The following RASEF variants were observed in gnomAD, a reference collection of about 807,000 sequenced individuals.
The protein encoded by RASEF is RAS and EF-hand domain containing, also known as ras and EF-hand domain-containing protein.
In RASEF, 68 loss-of-function variants were observed where a neutral mutation model predicts 90.1. The observed-to-expected ratio is 0.75, with a 90% confidence interval of 0.62 to 0.92. The LOEUF is 0.92. RASEF is among the 40% of genes least tolerant of loss of function. The pLI, the probability that RASEF is intolerant of heterozygous loss-of-function variation, is 0.00. For synonymous variants in RASEF, 331 were observed against 345.2 expected (o/e 0.96, Z 0.46); for missense variants, 949 against 937.2 (o/e 1.01, Z -0.16).
At chr9:83,113,889 A>C in the RASEF span, among the ~76,000 whole-genome samples, 1 of 152,140 alleles carries the variant, frequency 6.6e-6, no homozygotes, top group East Asian at 1.9e-4. Context: ...TGCCCTTTGA[A>C]GCATGTGATC....
At chr9:83,156,379 T>G in the RASEF span, among the ~76,000 whole-genome samples, 1 of 152,188 alleles carries the variant, frequency 6.6e-6, no homozygotes, top group African/African-American at 2.4e-5. Context: ...AAAGGGACAC[T>G]CTGTAATTGG....
the RASEF span, among the ~76,000 whole-genome samples, chr9:83,133,929 T>A: frequency 1.3e-5 from 2 of 152,132 alleles, no homozygotes; most frequent in African/African-American, 4.8e-5. Context: ...ATGCTTATTT[T>A]AGTTCCCCCA....
the RASEF span, among the ~76,000 whole-genome samples, chr9:83,185,970 CGG>C: frequency 1.3e-5 from 2 of 151,832 alleles, no homozygotes; most frequent in Middle Eastern, 3.4e-3. Flanking sequence ...GAATGGGTGG[CGG>C]GGGGGGCAAG....
rs1268197688 is a variant in RASEF at position 83,018,011 on chromosome 9, C to T, written c.670-2111G>A. Among the ~76,000 whole-genome samples, 3 of 152,060 alleles carry T rather than the reference C, an allele frequency of 2.0e-5. No individual in the cohort carries two copies. The East Asian group carries it at 5.8e-4, about 29-fold the overall frequency. On this transcript the variant is annotated intron_variant, in intron 3 of 16. Coordinates refer to ENST00000376447, the MANE Select transcript of RASEF (RefSeq NM_152573.4). ...CCATTCCTGACTAAAACAACAGCAACAACAATAATACTCAGCCAACTAGGA... is the reference window on the plus strand; with the variant it reads ...CCATTCCTGACTAAAACAACAGCAATAACAATAATACTCAGCCAACTAGGA...
chr9:82,990,363 A>G (rs200848053), intron 16 of RASEF, 28 bp downstream of exon 16: 752 of 1,543,272 alleles, frequency 4.9e-4, no homozygotes, highest in Non-Finnish European at 6.1e-4. Flanking sequence ...CGAAAATTCA[A>G]TCCTACATCC....
chr9:83,098,630 A>G, the RASEF span, among the ~76,000 whole-genome samples: 5 of 152,236 alleles, frequency 3.3e-5, no homozygotes. Flanking sequence ...GTAATTTAAA[A>G]AAGAAACAGG....
chr9:83,021,816 G>A (rs371449964), intron 3 of RASEF, among the ~76,000 whole-genome samples: 20 of 152,264 alleles, frequency 1.3e-4, no homozygotes, highest in East Asian at 3.9e-4. Context: ...TTTGGTATGC[G>A]GGGTTGCAGG....
At chr9:83,035,565 G>A (rs1176624204) in intron 1 of RASEF, among the ~76,000 whole-genome samples, 1 of 152,200 alleles carries the variant, frequency 6.6e-6, no homozygotes, top group Non-Finnish European at 1.5e-5. Context: ...ACATGTATAT[G>A]TAAGAATATG....
At chr9:83,084,587 A>C in the RASEF span, among the ~76,000 whole-genome samples, 1 of 152,208 alleles carries the variant, frequency 6.6e-6, no homozygotes. Flanking sequence ...AGCTATTGGC[A>C]ACCATAAACT....
the RASEF span, among the ~76,000 whole-genome samples, chr9:83,130,254 A>G: frequency 6.6e-6 from 1 of 152,132 alleles, no homozygotes; most frequent in African/African-American, 2.4e-5. Flanking sequence ...TTAAGACTTT[A>G]TCTTTTTAGA....
the RASEF span, among the ~76,000 whole-genome samples, chr9:83,089,923 T>C: frequency 3.3e-5 from 5 of 151,774 alleles, no homozygotes; most frequent in Admixed American, 1.3e-4. Flanking sequence ...GATAGATAGA[T>C]AGATAGATAG....
the RASEF span, among the ~76,000 whole-genome samples, chr9:83,144,383 GAAAGA>G: frequency 2.5e-4 from 5 of 20,250 alleles, no homozygotes; most frequent in South Asian, 2.1e-3. Flanking sequence ...AAGAAAGAAA[GAAAGA>G]AAGGAAAGAA....
At chr9:83,105,121 C>G in the RASEF span, among the ~76,000 whole-genome samples, 2 of 152,162 alleles carry the variant, frequency 1.3e-5, no homozygotes, top group Non-Finnish European at 2.9e-5. Flanking sequence ...GTAGCCTACT[C>G]AAGCCTGGGC....
At chr9:83,039,762 G>A (rs112667030) in intron 1 of RASEF, among the ~76,000 whole-genome samples, 7 of 152,058 alleles carry the variant, frequency 4.6e-5, no homozygotes, top group East Asian at 1.9e-4. Flanking sequence ...ATGGGGATGC[G>A]CCCACTATTT....
intron 16 of RASEF, among the ~76,000 whole-genome samples, chr9:82,983,471 C>T (rs1828655240): frequency 1.3e-5 from 2 of 152,066 alleles, no homozygotes; most frequent in South Asian, 4.1e-4. Flanking sequence ...CCAGGTGTAG[C>T]CACTGGGGAT....
upstream of RASEF, among the ~76,000 whole-genome samples, chr9:83,067,779 T>G (rs1830294220): frequency 6.6e-6 from 1 of 152,254 alleles, no homozygotes; most frequent in Non-Finnish European, 1.5e-5. Flanking sequence ...TTGTGATGAC[T>G]AAGCAAAACT....
At chr9:83,003,547 TA>T in intron 9 of RASEF, among the ~76,000 whole-genome samples, 1 of 152,336 alleles carries the variant, frequency 6.6e-6, no homozygotes, top group East Asian at 1.9e-4. Context: ...TATTTCTCAA[TA>T]ACAGAATAGT....
the RASEF span, among the ~76,000 whole-genome samples, chr9:83,176,042 A>C: frequency 1.5e-4 from 23 of 152,298 alleles, no homozygotes; most frequent in Non-Finnish European, 2.6e-4. Flanking sequence ...TGTATTGTTC[A>C]ATTATTCCAT....
At chr9:83,122,911 T>G in the RASEF span, among the ~76,000 whole-genome samples, 1 of 152,130 alleles carries the variant, frequency 6.6e-6, no homozygotes, top group African/African-American at 2.4e-5. Flanking sequence ...CAATATTCTC[T>G]ATCTGAATGG....
Sources: allele counts gnomAD v4.1 joint callset (sites outside exome capture counted in the v4.1 genomes callset), GRCh38; gene constraint gnomAD v4.1.1; transcripts MANE v1.5; gene names NCBI Gene and HGNC (gene_info 2026-07-23, HGNC 2026-07-21).